The following CEMIP variants were observed in gnomAD, a reference collection of about 807,000 sequenced individuals.
The protein encoded by CEMIP is cell migration inducing hyaluronidase 1, also known as cell migration-inducing and hyaluronan-binding protein.
Under a neutral mutation model 156.9 loss-of-function variants are expected in CEMIP, and 105 were observed. That is an observed-to-expected ratio of 0.67 (90% CI 0.57 to 0.79). The LOEUF is 0.79. CEMIP is among the 30% of genes least tolerant of loss of function. The probability of loss-of-function intolerance (pLI) is 0.00; values close to 1 mark genes in which losing one functional copy is unlikely to be tolerated. For missense variants in CEMIP, 1,457 were observed against 1,769.4 expected (o/e 0.82, Z 3.17); for synonymous variants, 676 against 668.4 (o/e 1.01, Z -0.17).
At position 80,906,753 on chromosome 15, in the gene CEMIP, T is replaced by C. The variant is rs1212953577; in HGVS notation, c.1502T>C (p.Met501Thr). 29 of 1,613,994 alleles carry C rather than the reference T, an allele frequency of 1.8e-5. No homozygotes were observed. Among genetic ancestry groups the C allele is most frequent in the Non-Finnish European group, 2.4e-5 (28 of 1,180,022 alleles). Residue 501 changes from methionine to threonine, a missense_variant, in exon 13 of 30, where the codon ATG becomes ACG. This residue lies in a region of CEMIP where 280 missense variants were observed against 300.3 expected (regional missense o/e 0.93). Coordinates refer to ENST00000394685, the MANE Select transcript of CEMIP (RefSeq NM_001293298.2). The surrounding 1 kb of genome is among the most constrained non-coding windows in gnomAD (Gnocchi z 4.3). The stretch of plus-strand genomic sequence containing the variant: ...CTTCTGAGCCGGAACATCATAGTGA[T>C]GGGGGAGATGGAGGACAAATGCTAC... The part of the protein sequence containing the change: ...VGLLSRNIIV[M>T]GEMEDKCYPY...
At chr15:80,894,643 T>C (rs867354253) in intron 10 of CEMIP, among the ~76,000 whole-genome samples, 11 of 152,304 alleles carry the variant, frequency 7.2e-5, no homozygotes, top group African/African-American at 2.6e-4. Context: ...CTGGTAGTGG[T>C]GGTGCAAATT....
intron 1 of CEMIP, among the ~76,000 whole-genome samples, chr15:80,821,128 C>T (rs1896898466): frequency 1.3e-5 from 2 of 152,288 alleles, no homozygotes; most frequent in African/African-American, 4.8e-5. Context: ...ATCTGCTGGC[C>T]CCTTGGAGCA....
chr15:80,858,589 G>C (rs1012433037), intron 1 of CEMIP, among the ~76,000 whole-genome samples: 1 of 151,818 alleles, frequency 6.6e-6, no homozygotes, highest in East Asian at 1.9e-4. Context: ...GCTGGGTGTG[G>C]TGGCACATGC....
chr15:80,910,404 C>T (rs1219056355), intron 14 of CEMIP, among the ~76,000 whole-genome samples: 1 of 152,204 alleles, frequency 6.6e-6, no homozygotes, highest in Non-Finnish European at 1.5e-5. Context: ...CCTGCTGGTC[C>T]CTGTGGGCAT....
At chr15:80,900,642 G>GTGTC (rs1899472188) in intron 12 of CEMIP, among the ~76,000 whole-genome samples, 16 of 127,214 alleles carry the variant, frequency 1.3e-4, no homozygotes, top group African/African-American at 3.2e-4. Context: ...GTGTGTGTGT[G>GTGTC]TGTGTGTCTG....
chr15:80,909,800 G>T, intron 14 of CEMIP: 1 of 358,408 alleles, frequency 2.8e-6, no homozygotes, highest in South Asian at 2.1e-5. Flanking sequence ...TGTATCAGAG[G>T]CTTGTCTTGA....
At chr15:80,916,542 T>C (rs535279217) in intron 14 of CEMIP, among the ~76,000 whole-genome samples, 2 of 152,372 alleles carry the variant, frequency 1.3e-5, no homozygotes, top group South Asian at 2.1e-4. Context: ...TGAATCTATA[T>C]GCATGTTTGT....
At chr15:80,920,958 C>G in intron 15 of CEMIP, 74 bp from the exon 16 acceptor site, 1 of 1,265,438 alleles carries the variant, frequency 7.9e-7, no homozygotes, top group Non-Finnish European at 1.2e-6. Flanking sequence ...AGTGCCCAAC[C>G]TGCACCTGCC....
At chr15:80,781,036 TTTC>T (rs1205462226) in intron 1 of CEMIP, among the ~76,000 whole-genome samples, 18 of 152,128 alleles carry the variant, frequency 1.2e-4, no homozygotes, top group Non-Finnish European at 2.4e-4. Flanking sequence ...TTCTCTGGCT[TTTC>T]TATGACACCA....
intron 1 of CEMIP, among the ~76,000 whole-genome samples, chr15:80,786,171 C>G (rs771350666): frequency 1.3e-5 from 2 of 152,072 alleles, no homozygotes; most frequent in African/African-American, 4.8e-5. Context: ...TGGGTCATTT[C>G]GTTTTGCTTT....
At chr15:80,872,456 G>T (rs1898328140) in intron 1 of CEMIP, among the ~76,000 whole-genome samples, 1 of 147,340 alleles carries the variant, frequency 6.8e-6, no homozygotes, top group Non-Finnish European at 1.5e-5. Flanking sequence ...TACCTAGACA[G>T]ATTCCCATAG....
chr15:80,867,549 A>G (rs1461377173), intron 1 of CEMIP, among the ~76,000 whole-genome samples: 2 of 152,198 alleles, frequency 1.3e-5, no homozygotes, highest in Admixed American at 6.5e-5. Context: ...GCTTCTCTCC[A>G]AGGATGCAGG....
At chr15:80,834,439 A>G (rs1396220753) in intron 1 of CEMIP, among the ~76,000 whole-genome samples, 1 of 152,150 alleles carries the variant, frequency 6.6e-6, no homozygotes, top group East Asian at 1.9e-4. Flanking sequence ...TACCATCTAC[A>G]TTGGGATTGA....
chr15:80,815,160 C>A (rs571362336), intron 1 of CEMIP, among the ~76,000 whole-genome samples: 1 of 152,352 alleles, frequency 6.6e-6, no homozygotes, highest in East Asian at 1.9e-4. Context: ...AGCCACTGGC[C>A]AGGATGCTGG....
In CEMIP at chr15:80,942,944, G is replaced by A; in HGVS notation, c.3700-1G>A. The A allele has an allele frequency of 6.2e-7, 1 of 1,614,236 alleles. No individual in the cohort carries two copies. Among genetic ancestry groups the A allele is most frequent in the Non-Finnish European group, 8.5e-7 (1 of 1,180,042 alleles). On this transcript the variant is annotated splice_acceptor_variant, in intron 27 of 29. Coordinates refer to ENST00000394685, the MANE Select transcript of CEMIP (RefSeq NM_001293298.2). LOFTEE classifies it high-confidence loss of function. ...ACACCTGGATTGCTCTGGCTCTGTA[G>A]GTGGATGGGAAGAAGTACCCCAGTT...
At chr15:80,940,848 G>T (rs918286547) in intron 25 of CEMIP, among the ~76,000 whole-genome samples, 4 of 152,124 alleles carry the variant, frequency 2.6e-5, no homozygotes, top group Non-Finnish European at 5.9e-5. Context: ...ACGCACACAC[G>T]CATGGCCTCT....
chr15:80,901,500 G>A (rs1159954334), intron 12 of CEMIP, among the ~76,000 whole-genome samples: 2 of 152,078 alleles, frequency 1.3e-5, no homozygotes, highest in Non-Finnish European at 1.5e-5. Flanking sequence ...TCAGGAGTTC[G>A]AGACCAGCCT....
intron 1 of CEMIP, among the ~76,000 whole-genome samples, chr15:80,811,768 G>A (rs1896677027): frequency 6.6e-6 from 1 of 152,136 alleles, no homozygotes; most frequent in South Asian, 2.1e-4. Flanking sequence ...TGTTGCCCAG[G>A]CTGGTCTTGA....
chr15:80,914,678 G>T (rs1279939578), intron 14 of CEMIP, among the ~76,000 whole-genome samples: 1 of 152,202 alleles, frequency 6.6e-6, no homozygotes, highest in South Asian at 2.1e-4. Flanking sequence ...CCCTCTTTCA[G>T]TTTCTTGAAT....
Sources: allele counts gnomAD v4.1 joint callset (sites outside exome capture counted in the v4.1 genomes callset), GRCh38; gene constraint gnomAD v4.1.1; regional missense constraint gnomAD v4.1.1; non-coding constraint Gnocchi (gnomAD v3.1); transcripts MANE v1.5; gene names NCBI Gene and HGNC (gene_info 2026-07-23, HGNC 2026-07-21).